TMEM132D: variants seen among roughly 807,000 people sequenced by gnomAD.
TMEM132D encodes transmembrane protein 132D.
Under a neutral mutation model 62.3 loss-of-function variants are expected in TMEM132D, and 21 were observed. That is an observed-to-expected ratio of 0.34 (90% CI 0.24 to 0.49). The LOEUF is 0.49. Among genes scored for constraint, TMEM132D ranks in the 20% least tolerant of loss-of-function variants. The pLI is 0.99. For synonymous variants in TMEM132D, 621 were observed against 575.6 expected, an observed-to-expected ratio of 1.08 and a Z score of -1.13; for missense variants, 1,346 against 1,402.8, an observed-to-expected ratio of 0.96 and a Z score of 0.65.
chr12:129,359,222 C>A (rs139194284), intron 3 of TMEM132D, among the ~76,000 whole-genome samples: 103 of 152,154 alleles, frequency 6.8e-4, no homozygotes, highest in Admixed American at 2.7e-3. Context: ...CAACAATAGG[C>A]CAATCCATAG....
intron 3 of TMEM132D, among the ~76,000 whole-genome samples, chr12:129,391,425 T>C (rs935355313): frequency 1.3e-5 from 2 of 152,148 alleles, no homozygotes; most frequent in East Asian, 1.9e-4. Context: ...GAAGAGGGAC[T>C]GAGAGTTTTT....
chr12:129,865,957 G>A (rs534720273), intron 1 of TMEM132D, among the ~76,000 whole-genome samples: 2 of 152,234 alleles, frequency 1.3e-5, no homozygotes, highest in South Asian at 4.1e-4. Context: ...GGGTTGTCTG[G>A]CTGTCTCAGA....
intron 3 of TMEM132D, among the ~76,000 whole-genome samples, chr12:129,381,103 A>G (rs936334198): frequency 6.6e-6 from 1 of 152,222 alleles, no homozygotes; most frequent in Non-Finnish European, 1.5e-5. Context: ...TGATCACTCC[A>G]GTGAAATGAG....
chr12:129,901,866 CCCCG>C (rs1875364525), intron 1 of TMEM132D, among the ~76,000 whole-genome samples: 4 of 142,676 alleles, frequency 2.8e-5, no homozygotes, highest in African/African-American at 1.1e-4. Context: ...AACCAACCCC[CCCCG>C]CCCCAAAAAA....
chr12:129,476,096 T>G (rs902460495), intron 3 of TMEM132D, among the ~76,000 whole-genome samples: 3 of 152,180 alleles, frequency 2.0e-5, no homozygotes, highest in African/African-American at 4.8e-5. Flanking sequence ...CTCCACACTG[T>G]GGGGGGTTTA....
intron 2 of TMEM132D, among the ~76,000 whole-genome samples, chr12:129,543,312 AGATG>A (rs1215351562): frequency 1.5e-4 from 19 of 125,064 alleles, no homozygotes; most frequent in African/African-American, 6.4e-4. Context: ...GTGGATGGAT[AGATG>A]GATGGATGGA....
At position 129,152,588 on chromosome 12, in the gene TMEM132D, C is replaced by A. The variant is rs543234635; in HGVS notation, c.1443+56932G>T. On this transcript the variant is annotated intron_variant, in intron 5 of 8. Coordinates refer to ENST00000422113, the MANE Select transcript of TMEM132D (RefSeq NM_133448.3). ...GAGGGCCATTTCCATAATCTCCACC[C>A]GCCCCTGCAGGCATTTTGCTCACTA... Among the ~76,000 whole-genome samples the A allele has an allele frequency of 2.3e-4, 35 of 152,272 alleles. 1 individual carries two copies. Among genetic ancestry groups the A allele is most frequent in the African/African-American group, 8.4e-4 (35 of 41,554 alleles).
intron 2 of TMEM132D, among the ~76,000 whole-genome samples, chr12:129,598,390 A>G (rs1878399380): frequency 6.6e-6 from 1 of 152,226 alleles, no homozygotes; most frequent in African/African-American, 2.4e-5. Flanking sequence ...GACATCTGAA[A>G]AAAGATTTTC....
chr12:129,792,952 CA>C (rs1871444078), intron 1 of TMEM132D, among the ~76,000 whole-genome samples: 1 of 152,070 alleles, frequency 6.6e-6, no homozygotes, highest in African/African-American at 2.4e-5. Context: ...TCATTCTACC[CA>C]ATATTTCTTT....
intron 2 of TMEM132D, among the ~76,000 whole-genome samples, chr12:129,621,076 A>G (rs181791331): frequency 2.0e-5 from 3 of 152,122 alleles, no homozygotes; most frequent in Admixed American, 1.3e-4. Flanking sequence ...GGAGGTTGAC[A>G]CCCCTCCATG....
chr12:129,768,571 C>A (rs1870631309), intron 1 of TMEM132D, among the ~76,000 whole-genome samples: 1 of 152,026 alleles, frequency 6.6e-6, no homozygotes, highest in Non-Finnish European at 1.5e-5. Flanking sequence ...ACAGAATCAC[C>A]TCTTCCTCTT....
intron 3 of TMEM132D, among the ~76,000 whole-genome samples, chr12:129,401,053 C>T (rs1871607605): frequency 6.6e-6 from 1 of 152,190 alleles, no homozygotes; most frequent in African/African-American, 2.4e-5. Flanking sequence ...ATCTCACCAT[C>T]CATTTCCCTT....
chr12:129,896,016 G>A (rs1040257911), intron 1 of TMEM132D, among the ~76,000 whole-genome samples: 7 of 148,174 alleles, frequency 4.7e-5, no homozygotes, highest in African/African-American at 1.8e-4. Flanking sequence ...TGTCACTCAG[G>A]TTAGAGTGTA....
intron 1 of TMEM132D, among the ~76,000 whole-genome samples, chr12:129,834,432 A>T (rs549266744): frequency 6.6e-6 from 1 of 150,624 alleles, no homozygotes; most frequent in African/African-American, 2.4e-5. Flanking sequence ...ATGGACCTAC[A>T]CCCCGCCCCC....
intron 3 of TMEM132D, among the ~76,000 whole-genome samples, chr12:129,389,069 ACAC>A (rs1593361338): frequency 8.6e-6 from 1 of 116,750 alleles, no homozygotes; most frequent in East Asian, 2.0e-4. Flanking sequence ...CCTAATATAA[ACAC>A]TAACACCGAC....
At chr12:129,760,481 G>T (rs1286201016) in intron 1 of TMEM132D, among the ~76,000 whole-genome samples, 3 of 151,460 alleles carry the variant, frequency 2.0e-5, no homozygotes, top group African/African-American at 7.3e-5. Context: ...ACAGGCCCCC[G>T]CCTCCACTAC....
chr12:129,751,102 C>A (rs1869986149), intron 1 of TMEM132D, among the ~76,000 whole-genome samples: 1 of 152,154 alleles, frequency 6.6e-6, no homozygotes, highest in African/African-American at 2.4e-5. Flanking sequence ...GAGAGTGTTC[C>A]TGTATTAATC....
At chr12:129,087,960 C>G (rs1336777025) in intron 5 of TMEM132D, among the ~76,000 whole-genome samples, 16 of 67,330 alleles carry the variant, frequency 2.4e-4, no homozygotes, top group Admixed American at 1.1e-3. Context: ...CCTCCCTGAC[C>G]GGGGTGTCCT....
chr12:129,209,374 T>G (rs957971107), intron 5 of TMEM132D, 146 bp downstream of exon 5: 1 of 995,714 alleles, frequency 1.0e-6, no homozygotes, highest in South Asian at 1.7e-5. Flanking sequence ...ATGTCCTGAT[T>G]TAAGTGGCAG....
Sources: allele counts gnomAD v4.1 joint callset (sites outside exome capture counted in the v4.1 genomes callset), GRCh38; gene constraint gnomAD v4.1.1; transcripts MANE v1.5; gene names NCBI Gene and HGNC (gene_info 2026-07-23, HGNC 2026-07-21).